The following RBFOX1 variants were observed in gnomAD, a reference collection of about 807,000 sequenced individuals.
The protein encoded by RBFOX1 is RNA binding fox-1 homolog 1, also known as RNA binding protein fox-1 homolog 1.
RBFOX1 carries 8 observed loss-of-function variants against 57.7 expected under a neutral mutation model. That is an observed-to-expected ratio of 0.14 (90% CI 0.08 to 0.25). The LOEUF (loss-of-function observed/expected upper bound fraction) is 0.25, where lower values mean the gene tolerates loss of function less well. RBFOX1 is among the 10% of genes least tolerant of loss of function. The probability of loss-of-function intolerance (pLI) is 1.00; values close to 1 mark genes in which losing one functional copy is unlikely to be tolerated. For missense variants in RBFOX1, 611 were observed against 548.5 expected (o/e 1.11, Z -1.14); for synonymous variants, 326 against 222.4 (o/e 1.47, Z -4.15).
At chr16:5,443,483 A>G (rs572142234) in intron 1 of RBFOX1, among the ~76,000 whole-genome samples, 5 of 152,230 alleles carry the variant, frequency 3.3e-5, no homozygotes, top group East Asian at 1.9e-4. Context: ...GATTACAGGC[A>G]CACGCCACCA....
chr16:5,430,714 G>A (rs1190306180), intron 1 of RBFOX1, among the ~76,000 whole-genome samples: 1 of 152,164 alleles, frequency 6.6e-6, no homozygotes, highest in African/African-American at 2.4e-5. Flanking sequence ...TAAACTTCCT[G>A]CTGCGCCAAA....
chr16:5,478,103 A>G (rs1478521691), intron 2 of RBFOX1, among the ~76,000 whole-genome samples: 1 of 152,184 alleles, frequency 6.6e-6, no homozygotes, highest in Non-Finnish European at 1.5e-5. Flanking sequence ...AGCAGATGAC[A>G]GGGAAGCAGC....
intron 10 of RBFOX1, among the ~76,000 whole-genome samples, chr16:7,609,375 T>G (rs2056982545): frequency 6.6e-6 from 1 of 152,152 alleles, no homozygotes; most frequent in African/African-American, 2.4e-5. Context: ...CCGTTACTTG[T>G]GCTTTCGTAG....
intron 3 of RBFOX1, among the ~76,000 whole-genome samples, chr16:6,716,715 A>G (rs1006128085): frequency 6.6e-6 from 1 of 152,172 alleles, no homozygotes; most frequent in Non-Finnish European, 1.5e-5. Context: ...TTGGTTCACC[A>G]GTGGGCATGT....
chr16:6,561,527 T>A (rs1401894691), intron 2 of RBFOX1, among the ~76,000 whole-genome samples: 1 of 152,186 alleles, frequency 6.6e-6, no homozygotes, highest in Non-Finnish European at 1.5e-5. Context: ...TTGTTTTGAA[T>A]ATGAACACAG....
intron 2 of RBFOX1, among the ~76,000 whole-genome samples, chr16:6,347,346 C>G (rs1018031643): frequency 3.9e-5 from 6 of 152,162 alleles, no homozygotes; most frequent in Admixed American, 6.5e-5. Context: ...GTGCTGCATA[C>G]TATGCTTGGT....
chr16:6,644,673 G>T (rs2098519199), intron 2 of RBFOX1, among the ~76,000 whole-genome samples: 1 of 152,120 alleles, frequency 6.6e-6, no homozygotes, highest in Non-Finnish European at 1.5e-5. Context: ...TCTTTCCATT[G>T]CTCTTCCAGA....
intron 3 of RBFOX1, among the ~76,000 whole-genome samples, chr16:6,906,084 G>A (rs1400611322): frequency 3.3e-5 from 5 of 150,954 alleles, no homozygotes; most frequent in African/African-American, 9.8e-5. Flanking sequence ...CTTTGTCTTC[G>A]ATGGAACGCT....
At chr16:6,313,741 C>G (rs963716566) in intron 1 of RBFOX1, among the ~76,000 whole-genome samples, 3 of 151,976 alleles carry the variant, frequency 2.0e-5, no homozygotes, top group Non-Finnish European at 2.9e-5. Flanking sequence ...GTGCCCAATT[C>G]CACTGGGACC....
intron 3 of RBFOX1, among the ~76,000 whole-genome samples, chr16:5,723,850 C>T (rs2052030029): frequency 6.6e-6 from 1 of 152,226 alleles, no homozygotes; most frequent in Admixed American, 6.5e-5. Flanking sequence ...CTGGACCTTG[C>T]ACCATTGTTT....
chr16:6,260,528 A>G (rs113133645), intron 1 of RBFOX1, among the ~76,000 whole-genome samples: 3 of 152,300 alleles, frequency 2.0e-5, no homozygotes, highest in South Asian at 4.1e-4. Flanking sequence ...ATTAAAAGCC[A>G]TTGAGAAATG....
chr16:6,484,845 A>G (rs751278058), intron 2 of RBFOX1, among the ~76,000 whole-genome samples: 8 of 152,192 alleles, frequency 5.3e-5, no homozygotes, highest in Non-Finnish European at 1.0e-4. Flanking sequence ...GAATTTACTC[A>G]TTGTTGACAT....
intron 3 of RBFOX1, among the ~76,000 whole-genome samples, chr16:5,796,198 C>G (rs919094579): frequency 3.3e-5 from 5 of 152,168 alleles, no homozygotes; most frequent in South Asian, 4.1e-4. Context: ...GTGGATCCAC[C>G]CACTTCTGAG....
intron 11 of RBFOX1, 55 bp from the exon 12 acceptor site, chr16:7,653,760 A>G (rs1459157210): frequency 1.3e-5 from 21 of 1,598,516 alleles, no homozygotes; most frequent in Non-Finnish European, 1.8e-5. Context: ...CCTCCACAGC[A>G]GGGTGTGCAT....
At chr16:6,306,402 A>T (rs572388414) in intron 1 of RBFOX1, among the ~76,000 whole-genome samples, 2 of 152,340 alleles carry the variant, frequency 1.3e-5, no homozygotes, top group South Asian at 4.1e-4. Context: ...TCGCTCATGC[A>T]TCGAAAGGAA....
intron 4 of RBFOX1, among the ~76,000 whole-genome samples, chr16:7,129,834 A>G (rs2069718305): frequency 2.6e-5 from 1 of 38,394 alleles, no homozygotes; most frequent in Admixed American, 4.0e-4. Context: ...TAGATGGATG[A>G]TGGATGGGTG....
At chr16:6,466,269 A>G (rs958624467) in intron 2 of RBFOX1, among the ~76,000 whole-genome samples, 4 of 152,010 alleles carry the variant, frequency 2.6e-5, no homozygotes, top group African/African-American at 9.7e-5. Flanking sequence ...AAAAATTGAA[A>G]TCATCCATGG....
intron 3 of RBFOX1, among the ~76,000 whole-genome samples, chr16:5,813,278 A>G (rs1348463683): frequency 6.6e-6 from 1 of 152,090 alleles, no homozygotes; most frequent in Non-Finnish European, 1.5e-5. Context: ...ACCTTTAACC[A>G]TTTTAAAACA....
intron 2 of RBFOX1, among the ~76,000 whole-genome samples, chr16:6,492,280 G>A (rs923361171): frequency 6.6e-6 from 1 of 152,136 alleles, no homozygotes; most frequent in Non-Finnish European, 1.5e-5. Flanking sequence ...TTCTTATTTT[G>A]AAAAAGTAGG....
Sources: gnomAD v4.1 joint callset for allele counts (sites outside exome capture counted in the v4.1 genomes callset) on GRCh38, gnomAD v4.1.1 for gene constraint, MANE v1.5 for transcripts, NCBI Gene and HGNC (gene_info 2026-07-23, HGNC 2026-07-21) for gene names.